Variants in PDZD2 observed in about 807,000 individuals in gnomAD.
The protein encoded by PDZD2 is PDZ domain-containing protein 2.
A neutral mutation model predicts 220.7 loss-of-function variants in PDZD2; 90 were observed. The observed-to-expected ratio is 0.41, with a 90% CI of 0.34 to 0.49. PDZD2 has a LOEUF of 0.49. Ranked by LOEUF, PDZD2 falls within the 20% of genes least tolerant of loss-of-function variation. PDZD2 has a pLI of 0.28. For missense variants in PDZD2, 3,174 were observed against 3,608.5 expected, an observed-to-expected ratio of 0.88 and a Z score of 3.08; for synonymous variants, 1,375 against 1,450.5, an observed-to-expected ratio of 0.95 and a Z score of 1.18.
At chr5:32,022,919 A>G (rs1213535645) in intron 6 of PDZD2, among the ~76,000 whole-genome samples, 1 of 152,110 alleles carries the variant, frequency 6.6e-6, no homozygotes, top group African/African-American at 2.4e-5. Context: ...GTGGGATTGA[A>G]GAAAGGCAGG....
At chr5:32,046,087 A>G (rs910674270) in intron 7 of PDZD2, among the ~76,000 whole-genome samples, 1 of 152,206 alleles carries the variant, frequency 6.6e-6, no homozygotes, top group Admixed American at 6.5e-5. Context: ...GCAGATAGGT[A>G]TTGTATATCA....
At chr5:31,937,579 C>T (rs1341918874) in intron 2 of PDZD2, among the ~76,000 whole-genome samples, 1 of 152,178 alleles carries the variant, frequency 6.6e-6, no homozygotes, top group Non-Finnish European at 1.5e-5. Flanking sequence ...TGGGGGATGG[C>T]TGTGTTTAGT....
rs1745165727 is a variant in PDZD2 at position 32,109,525 on chromosome 5, G to GTAAA, written c.*1394_*1397dup. 1 of 151,980 alleles carries GTAAA rather than the reference G, an allele frequency of 6.6e-6. No individual in the cohort carries two copies. Among genetic ancestry groups the GTAAA allele is most frequent in the Non-Finnish European group, 1.5e-5 (1 of 68,018 alleles). 9.4% of individuals were successfully genotyped at this position (151,980 alleles called of 1,614,324 possible). On this transcript the variant is annotated 3_prime_UTR_variant, in exon 25 of 25. Coordinates refer to ENST00000438447, the MANE Select transcript of PDZD2 (RefSeq NM_178140.4). ...CTCATGATGTACCTTATTTTCTTAG[G>GTAAA]TAAATAATTCCAAACTCTCATCGGG... is the stretch of plus-strand genomic sequence containing the variant.
intron 1 of PDZD2, among the ~76,000 whole-genome samples, chr5:31,704,522 TG>T (rs1747734736): frequency 6.6e-6 from 1 of 152,230 alleles, no homozygotes; most frequent in African/African-American, 2.4e-5. Flanking sequence ...ATCCATCCAG[TG>T]GACACGCCAC....
intron 1 of PDZD2, among the ~76,000 whole-genome samples, chr5:31,710,575 C>T (rs1239276639): frequency 2.0e-5 from 3 of 151,980 alleles, no homozygotes; most frequent in Non-Finnish European, 4.4e-5. Flanking sequence ...CTCAGCACTT[C>T]GGGAGGCCGA....
intron 2 of PDZD2, among the ~76,000 whole-genome samples, chr5:31,845,427 T>C (rs895235161): frequency 1.2e-4 from 18 of 152,194 alleles, no homozygotes; most frequent in African/African-American, 4.1e-4. Context: ...TTCAGAGCTA[T>C]CTGGAGAGGT....
chr5:31,979,911 T>C (rs1204107227), intron 2 of PDZD2, among the ~76,000 whole-genome samples: 2 of 152,194 alleles, frequency 1.3e-5, no homozygotes, highest in Non-Finnish European at 2.9e-5. Context: ...TGCAGTTTCA[T>C]CTTCTGTTAA....
intron 4 of PDZD2, among the ~76,000 whole-genome samples, chr5:31,997,708 T>C (rs1751749917): frequency 6.6e-6 from 1 of 152,234 alleles, no homozygotes; most frequent in South Asian, 2.1e-4. Context: ...ATCCTTTTCA[T>C]TTCATTCTTA....
chr5:31,754,662 G>A (rs1266343189), intron 1 of PDZD2: 1 of 152,106 alleles, frequency 6.6e-6, no homozygotes, highest in East Asian at 1.9e-4. Context: ...GTCTCCTTGA[G>A]TAAAAAAAGC....
chr5:31,814,033 G>A (rs901980560), intron 2 of PDZD2, among the ~76,000 whole-genome samples: 15 of 152,118 alleles, frequency 9.9e-5, no homozygotes, highest in Admixed American at 2.0e-4. Flanking sequence ...AAATAAAAAA[G>A]ATTTTTAAAA....
chr5:31,977,166 C>G (rs1388450736), intron 2 of PDZD2, among the ~76,000 whole-genome samples: 1 of 152,074 alleles, frequency 6.6e-6, no homozygotes, highest in Admixed American at 6.5e-5. Context: ...CCCCAAGTTA[C>G]TTTGAATTGC....
intron 1 of PDZD2, among the ~76,000 whole-genome samples, chr5:31,714,800 T>G (rs1043859421): frequency 6.6e-6 from 1 of 152,080 alleles, no homozygotes; most frequent in Non-Finnish European, 1.5e-5. Flanking sequence ...TGCTCACGCC[T>G]GTAATCCTAG....
At chr5:31,816,097 G>A (rs1437148761) in intron 2 of PDZD2, among the ~76,000 whole-genome samples, 2 of 151,966 alleles carry the variant, frequency 1.3e-5, no homozygotes, top group African/African-American at 4.8e-5. Context: ...GACCATCCTG[G>A]CTAACACAGT....
chr5:31,808,529 T>A (rs1289716740), intron 2 of PDZD2, among the ~76,000 whole-genome samples: 1 of 152,106 alleles, frequency 6.6e-6, no homozygotes, highest in Non-Finnish European at 1.5e-5. Flanking sequence ...TATCCCAGGG[T>A]TCATCCAAGT....
At chr5:31,833,762 C>A (rs1347852907) in intron 2 of PDZD2, among the ~76,000 whole-genome samples, 1 of 152,220 alleles carries the variant, frequency 6.6e-6, no homozygotes, top group South Asian at 2.1e-4. Context: ...GAGCTTTCTA[C>A]CGTTTATCCT....
At chr5:31,850,117 C>T (rs138388254) in intron 2 of PDZD2, among the ~76,000 whole-genome samples, 10,075 of 127,952 alleles carry the variant, frequency 0.079, 536 homozygotes, top group Middle Eastern at 0.15. Context: ...AGTATATATA[C>T]GTGTATATAT....
chr5:32,037,166 G>A, intron 6 of PDZD2, 65 bp from the exon 7 acceptor site: 2 of 973,026 alleles, frequency 2.1e-6, no homozygotes, highest in Middle Eastern at 2.4e-4. Flanking sequence ...ACATTGTGGA[G>A]GGGGACAGCA....
chr5:31,911,991 G>C (rs1216315696), intron 2 of PDZD2, among the ~76,000 whole-genome samples: 1 of 152,166 alleles, frequency 6.6e-6, no homozygotes, highest in Non-Finnish European at 1.5e-5. Flanking sequence ...TGCTAAATGG[G>C]GATTGAGTGA....
intron 2 of PDZD2, among the ~76,000 whole-genome samples, chr5:31,893,024 C>A (rs778320824): frequency 3.9e-5 from 6 of 152,190 alleles, no homozygotes; most frequent in Non-Finnish European, 5.9e-5. Context: ...TAGAGGGAAG[C>A]AGACAAAAAC....
Sources: gnomAD v4.1 joint callset for allele counts (sites outside exome capture counted in the v4.1 genomes callset) on GRCh38, gnomAD v4.1.1 for gene constraint, MANE v1.5 for transcripts, NCBI Gene and HGNC (gene_info 2026-07-23, HGNC 2026-07-21) for gene names.